The following RBFOX1 variants were observed in gnomAD, a reference collection of about 807,000 sequenced individuals.
RBFOX1 encodes RNA binding protein fox-1 homolog 1.
A neutral mutation model predicts 57.7 loss-of-function variants in RBFOX1; 8 were observed. The observed-to-expected ratio is 0.14, with a 90% CI of 0.08 to 0.25. The LOEUF (loss-of-function observed/expected upper bound fraction) is 0.25. Among genes scored for constraint, RBFOX1 ranks in the 10% least tolerant of loss-of-function variants. RBFOX1 has a pLI of 1.00. For synonymous variants in RBFOX1, 326 were observed against 222.4 expected, an observed-to-expected ratio of 1.47 and a Z score of -4.15; for missense variants, 611 against 548.5, an observed-to-expected ratio of 1.11 and a Z score of -1.14.
chr16:6,016,064 G>C (rs1235243891), upstream of RBFOX1, among the ~76,000 whole-genome samples: 1 of 152,204 alleles, frequency 6.6e-6, no homozygotes, highest in Non-Finnish European at 1.5e-5. Flanking sequence ...TCTACTGCAG[G>C]AAAGAAGGAA....
Position 7,249,287 on chromosome 16 carries a change from T to G in RBFOX1, c.27+197189T>G, listed in dbSNP as rs560396952. Among the ~76,000 whole-genome samples the G allele has an allele frequency of 6.6e-5, 10 of 152,284 alleles. 1 individual carries two copies. The highest frequency in any genetic ancestry group is 2.4e-4 in the African/African-American group (10 of 41,568). ...TGTCTTTTTCTTTCCTTCTTTTCTTTCTATTGGATGAACCCTGAAAGTGGT... is the reference window on the plus strand; with the variant it reads ...TGTCTTTTTCTTTCCTTCTTTTCTTGCTATTGGATGAACCCTGAAAGTGGT... On this transcript the variant is annotated intron_variant, in intron 4 of 15. Coordinates refer to ENST00000550418, the MANE Select transcript of RBFOX1 (RefSeq NM_018723.4).
intron 1 of RBFOX1, among the ~76,000 whole-genome samples, chr16:6,021,069 G>A (rs537335036): frequency 6.6e-6 from 1 of 152,246 alleles, no homozygotes; most frequent in Non-Finnish European, 1.5e-5. Flanking sequence ...TGGTCAGGCA[G>A]TCCGGGCAAT....
At chr16:5,960,226 A>T (rs1391902529) in intron 4 of RBFOX1, among the ~76,000 whole-genome samples, 1 of 152,210 alleles carries the variant, frequency 6.6e-6, no homozygotes, top group Non-Finnish European at 1.5e-5. Flanking sequence ...AGAAAAAAAG[A>T]ATAAGAGGAA....
intron 3 of RBFOX1, among the ~76,000 whole-genome samples, chr16:6,957,137 T>TTTATTTATTTA (rs2082031348): frequency 6.7e-6 from 1 of 149,728 alleles, no homozygotes; most frequent in Admixed American, 6.7e-5. Context: ...TATTTATTTA[T>TTTATTTATTTA]TTATTTATTT....
At chr16:6,899,998 C>T (rs1045357852) in intron 3 of RBFOX1, among the ~76,000 whole-genome samples, 11 of 152,108 alleles carry the variant, frequency 7.2e-5, no homozygotes, top group African/African-American at 1.2e-4. Flanking sequence ...GCTTCTGTTT[C>T]CTTATTTATA....
intron 4 of RBFOX1, among the ~76,000 whole-genome samples, chr16:7,401,005 T>C (rs1476206303): frequency 6.6e-6 from 1 of 152,130 alleles, no homozygotes; most frequent in African/African-American, 2.4e-5. Context: ...CTCAGGAATG[T>C]GAAGGGACAG....
chr16:7,360,772 C>T (rs150894027), intron 4 of RBFOX1, among the ~76,000 whole-genome samples: 4 of 152,128 alleles, frequency 2.6e-5, no homozygotes, highest in Non-Finnish European at 4.4e-5. Flanking sequence ...CTGTGTTGGC[C>T]AAGTCTTCTT....
chr16:6,592,167 C>A (rs1244398664), intron 2 of RBFOX1, among the ~76,000 whole-genome samples: 2 of 152,118 alleles, frequency 1.3e-5, no homozygotes, highest in Non-Finnish European at 2.9e-5. Context: ...TCTTTCTGTC[C>A]CTCCTTTAAC....
chr16:7,655,332 G>A (rs369484925), intron 12 of RBFOX1, among the ~76,000 whole-genome samples: 22 of 152,270 alleles, frequency 1.4e-4, no homozygotes, highest in African/African-American at 5.3e-4. Flanking sequence ...TTTGAATTGG[G>A]TCAACTTTGA....
At position 6,908,348 on chromosome 16, in the gene RBFOX1, C is replaced by T. The variant is rs188176649; in HGVS notation, c.-15-143709C>T. 2.6e-5 allele frequency among the ~76,000 whole-genome samples: 4 copies of T among 151,942 alleles called. No homozygotes were observed. The East Asian group carries it at 5.8e-4, about 22-fold the overall frequency. ...TGTCTTGTTCATCCAAGTTACTCTG[C>T]CTTTGCACCCTTCTAACCCCGATGT... On this transcript the variant is annotated intron_variant, in intron 3 of 15. Coordinates refer to ENST00000550418, the MANE Select transcript of RBFOX1 (RefSeq NM_018723.4).
intron 2 of RBFOX1, among the ~76,000 whole-genome samples, chr16:5,541,943 T>C (rs2044971843): frequency 6.6e-6 from 1 of 152,174 alleles, no homozygotes; most frequent in African/African-American, 2.4e-5. Context: ...TTTAGTTACA[T>C]GAATAATTTC....
intron 4 of RBFOX1, among the ~76,000 whole-genome samples, chr16:7,451,147 G>A (rs111439334): frequency 6.6e-6 from 1 of 152,164 alleles, no homozygotes; most frequent in Admixed American, 6.5e-5. Flanking sequence ...AAAACATCCA[G>A]CTTTCTGGGG....
At chr16:6,847,840 G>A (rs2093841192) in intron 3 of RBFOX1, among the ~76,000 whole-genome samples, 1 of 151,972 alleles carries the variant, frequency 6.6e-6, no homozygotes, top group South Asian at 2.1e-4. Context: ...ACTTCCTTTT[G>A]GTGGTGGTTG....
Position 7,641,178 on chromosome 16 carries a change from C to T in RBFOX1, c.757+10495C>T, listed in dbSNP as rs187050005. Among the ~76,000 whole-genome samples, 88 of 152,142 alleles carry T rather than the reference C, an allele frequency of 5.8e-4. 2 individuals are homozygous for T. The highest frequency in any genetic ancestry group is 3.3e-4 in the Admixed American group (5 of 15,282). ...GAGCAATCATTCTTTCATCAAATAC[C>T]AGTCTTCTTGGATAGAAATGTGTCC... On this transcript the variant is annotated intron_variant, in intron 11 of 15. Transcript: ENST00000550418.
chr16:6,771,042 G>C (rs1042239744), intron 3 of RBFOX1, among the ~76,000 whole-genome samples: 1 of 152,084 alleles, frequency 6.6e-6, no homozygotes, highest in Non-Finnish European at 1.5e-5. Context: ...GTTAATTCGG[G>C]TTTCATGAGG....
chr16:6,352,899 A>G (rs2086655956), intron 2 of RBFOX1, among the ~76,000 whole-genome samples: 1 of 152,198 alleles, frequency 6.6e-6, no homozygotes, highest in Non-Finnish European at 1.5e-5. Flanking sequence ...AAAGCCAATC[A>G]TGAACTAAAG....
chr16:6,903,200 G>A (rs1209781561), intron 3 of RBFOX1, among the ~76,000 whole-genome samples: 1 of 152,144 alleles, frequency 6.6e-6, no homozygotes, highest in East Asian at 1.9e-4. Context: ...ACAAAGATCT[G>A]GGGGCTAGAG....
At chr16:7,439,415 G>C (rs1457864382) in intron 4 of RBFOX1, among the ~76,000 whole-genome samples, 3 of 151,236 alleles carry the variant, frequency 2.0e-5, no homozygotes, top group Admixed American at 1.3e-4. Flanking sequence ...TGGAGGAAAA[G>C]GCATCCATTC....
intron 1 of RBFOX1, among the ~76,000 whole-genome samples, chr16:6,275,304 C>A (rs1281428321): frequency 1.7e-5 from 1 of 59,298 alleles, no homozygotes; most frequent in South Asian, 9.9e-4. Flanking sequence ...GAGTGAGACT[C>A]CATCTCAAAA....
Sources: gnomAD v4.1 joint callset for allele counts (sites outside exome capture counted in the v4.1 genomes callset) on GRCh38, gnomAD v4.1.1 for gene constraint, MANE v1.5 for transcripts, NCBI Gene and HGNC (gene_info 2026-07-23, HGNC 2026-07-21) for gene names.